VIM: variants seen among roughly 807,000 people sequenced by gnomAD.
VIM encodes the protein epididymis secretory sperm binding protein.
Under a neutral mutation model 50.3 loss-of-function variants are expected in VIM, and 18 were observed. The ratio of observed to expected loss-of-function variants is 0.36; its 90% CI spans 0.25 to 0.53. VIM has a LOEUF of 0.53. Among genes scored for constraint, VIM ranks in the 20% least tolerant of loss-of-function variants. VIM has a pLI of 0.91. For synonymous variants in VIM, 245 were observed against 248.5 expected (o/e 0.99, Z 0.13); for missense variants, 551 against 614.7 (o/e 0.90, Z 1.10).
At position 17,233,855 on chromosome 10, in the gene VIM, T is replaced by C. The variant is rs781127817; in HGVS notation, c.806T>C (p.Leu269Pro). Residue 269 changes from leucine (L) to proline (P), a missense_variant, in exon 5 of 10, where the codon CTG (leucine) becomes CCG (proline). Physicochemically the swap from Leu to Pro is moderately conservative, Grantham distance 98. Around this residue, in one of 3 missense-constraint regions of VIM, gnomAD observed 394 missense variants for 437.5 expected, o/e 0.90. Transcript: ENST00000544301. ...DVSKPDLTAA[L>P]RDVRQQYESV... ...TCCAAGCCTGACCTCACGGCTGCCC[T>C]GCGTGACGTACGTCAGCAATATGAA... 6.2e-7 allele frequency: 1 copy of C among 1,614,196 alleles called. No individual in the cohort carries two copies.
chr10:17,232,177 A>G (rs1299026028), intron 3 of VIM, among the ~76,000 whole-genome samples: 1 of 152,218 alleles, frequency 6.6e-6, no homozygotes, highest in Non-Finnish European at 1.5e-5. Flanking sequence ...AATATCTTTT[A>G]TGTATTTTTC....
At position 17,228,366 on chromosome 10, in the gene VIM, C is replaced by T. The variant is rs763122823; in HGVS notation, c.-306C>T. On this transcript the variant is annotated 5_prime_UTR_variant, in exon 1 of 10. Coordinates refer to ENST00000544301, the MANE Select transcript of VIM (RefSeq NM_003380.5). ...AACTTAGGGGCGCTCTTGTCCCCCACAGGGCCCGACCGCACACAGCAAGGC... is the reference window on the plus strand; with the variant it reads ...AACTTAGGGGCGCTCTTGTCCCCCATAGGGCCCGACCGCACACAGCAAGGC... The T allele has an allele frequency of 7.2e-5, 11 of 152,238 alleles. No individual in the cohort carries two copies. The highest frequency in any genetic ancestry group is 1.6e-4 in the Non-Finnish European group (11 of 68,060). The allele number at this position is 152,238 out of a possible 1,614,324, so 9.4% of individuals were successfully genotyped here. A position where few individuals can be genotyped will look rare whatever the true frequency, so the allele number is the denominator to read the frequency against.
rs1363353369 is a variant in VIM, at chr10:17,228,473, C to T, written c.-199C>T. The stretch of plus-strand genomic sequence containing the variant: ...TGAGACTTGAATCAATCTGGTCTAA[C>T]GGTTTCCCCTAAACCGCTAGGAGCC... On this transcript the variant is annotated 5_prime_UTR_variant, in exon 1 of 10. It adds an upstream start codon to the 5' untranslated region. Transcript: ENST00000544301. 1.3e-5 allele frequency: 2 copies of T among 152,278 alleles called. No homozygotes were observed. Among genetic ancestry groups the T allele is most frequent in the Non-Finnish European group, 2.9e-5 (2 of 68,098 alleles). 9.4% of individuals were successfully genotyped at this position (152,278 alleles called of 1,614,324 possible). A position where few individuals can be genotyped will look rare whatever the true frequency, so the allele number is the denominator to read the frequency against.
intron 6 of VIM, 123 bp from the exon 7 acceptor site, chr10:17,235,046 C>T (rs1356364309): frequency 4.0e-6 from 5 of 1,254,746 alleles, no homozygotes; most frequent in Non-Finnish European, 5.7e-6. Context: ...CATTCTCCAC[C>T]TAAAATTAGA....
intron 1 of VIM, 50 bp from the exon 2 acceptor site, chr10:17,229,226 A>G (rs999096986): frequency 2.5e-4 from 84 of 329,538 alleles, no homozygotes; most frequent in African/African-American, 2.4e-3. Context: ...GTGGGAGGGG[A>G]CCCTCTTTCC....
At chr10:17,230,488 G>A in intron 2 of VIM, 162 bp from the exon 3 acceptor site, 1 of 861,388 alleles carries the variant, frequency 1.2e-6, no homozygotes, top group Non-Finnish European at 2.0e-6. Flanking sequence ...AAGTCCCGCT[G>A]AAACCTGCCG....
At chr10:17,236,898 A>ATGT (rs1188427381) in intron 9 of VIM, among the ~76,000 whole-genome samples, 4 of 152,206 alleles carry the variant, frequency 2.6e-5, no homozygotes, top group Admixed American at 2.6e-4. Context: ...TAAATTTAAA[A>ATGT]TGTACCTGCT....
In VIM at chr10:17,229,654, C is replaced by T. The variant is rs865981174; in HGVS notation, c.232C>T (p.Arg78Trp). The T allele has an allele frequency of 3.2e-6, 5 of 1,563,602 alleles. 1 individual carries two copies. Among genetic ancestry groups the T allele is most frequent in the Middle Eastern group, 3.4e-4 (2 of 5,844 alleles). The change falls in exon 2 of 10, where the codon CGG (arginine) becomes TGG (tryptophan). Residue 78 changes from arginine to tryptophan, a missense_variant. Arg to Trp is a moderately radical substitution (Grantham distance 101). This residue lies in a region of VIM where 134 missense variants were observed against 126.4 expected (regional missense o/e 1.06). Transcript: ENST00000544301. ...VRLRSSVPGV[R>W]LLQDSVDFSL... The stretch of plus-strand genomic sequence containing the variant: ...CCTGCGGAGCAGCGTGCCCGGGGTG[C>T]GGCTCCTGCAGGACTCGGTGGACTT...
rs1846873699 is a variant in VIM at position 17,235,598 on chromosome 10, C to A, written c.1229+209C>A. ...TCAACAGCAGAGCTGGGATTTGAAC[C>A]CATAACTCTGTCAAAGCCTCCACTC... On this transcript the variant is annotated intron_variant, in intron 7 of 9. Transcript: ENST00000544301. 4.2e-6 allele frequency: 3 copies of A among 708,696 alleles called. No homozygotes were observed. In the South Asian group the frequency reaches 5.4e-5, roughly 13 times the overall value. 43.9% of individuals were successfully genotyped at this position (708,696 alleles called of 1,614,324 possible).
chr10:17,237,303 A>G lies in VIM; in HGVS notation c.*32A>G. On this transcript the variant is annotated 3_prime_UTR_variant, in exon 10 of 10. Transcript: ENST00000544301. The stretch of plus-strand genomic sequence containing the variant: ...CACACACTCAGTGCAGCAATATATT[A>G]CCAGCAAGAATAAAAAAGAAATCCA... 6.3e-7 allele frequency: 1 copy of G among 1,593,600 alleles called. No homozygotes were observed. The highest frequency in any genetic ancestry group is 8.6e-7 in the Non-Finnish European group (1 of 1,167,276).
intron 9 of VIM, 117 bp downstream of exon 9, chr10:17,236,496 C>G: frequency 1.2e-6 from 1 of 859,890 alleles, no homozygotes. Flanking sequence ...AGGTTTCATT[C>G]ATGCCTACTA....
chr10:17,235,035 G>T, intron 6 of VIM, 134 bp from the exon 7 acceptor site: 1 of 1,190,828 alleles, frequency 8.4e-7, no homozygotes, highest in Non-Finnish European at 1.2e-6. Flanking sequence ...CTTGGTACTC[G>T]CATTCTCCAC....
chr10:17,236,815 C>T (rs1010982042), intron 9 of VIM, among the ~76,000 whole-genome samples: 1 of 152,186 alleles, frequency 6.6e-6, no homozygotes, highest in African/African-American at 2.4e-5. Flanking sequence ...CATTTAGTTT[C>T]TTATTACCTC....
intron 5 of VIM, 86 bp downstream of exon 5, chr10:17,234,017 T>A: frequency 2.0e-6 from 3 of 1,535,092 alleles, no homozygotes; most frequent in Non-Finnish European, 1.8e-6. Context: ...CTAAATATCC[T>A]CTAGCTCCAA....
chr10:17,235,110 C>G, intron 6 of VIM, 59 bp from the exon 7 acceptor site: 1 of 1,587,978 alleles, frequency 6.3e-7, no homozygotes, highest in Non-Finnish European at 8.6e-7. Flanking sequence ...GTAAATGGTT[C>G]TGGGAACAGC....
intron 3 of VIM, among the ~76,000 whole-genome samples, chr10:17,232,298 G>A (rs7914640): frequency 0.1 from 15,913 of 152,218 alleles, 1,110 homozygotes; most frequent in Non-Finnish European, 0.15. Flanking sequence ...GTTTAAGACC[G>A]TAAGGCTATG....
In VIM at chr10:17,235,413, G is replaced by A. The variant is rs772018234; in HGVS notation, c.1229+24G>A. 2.0e-5 allele frequency: 33 copies of A among 1,610,980 alleles called. No individual in the cohort carries two copies. The Middle Eastern group carries it at 2.4e-3, about 117-fold the overall frequency. On this transcript the variant is annotated intron_variant, in intron 7 of 9. Coordinates refer to ENST00000544301, the MANE Select transcript of VIM (RefSeq NM_003380.5). ...AGGTAGGGAACTCAGACTTGGATGC[G>A]TGAACTAATGGTGACCATTTGTTAG...
chr10:17,236,416 G>T (rs1276121521), intron 9 of VIM, 37 bp downstream of exon 9: 5 of 1,464,168 alleles, frequency 3.4e-6, no homozygotes, highest in Non-Finnish European at 4.8e-6. Flanking sequence ...GGTAATCTCA[G>T]ACAGGAGTTG....
intron 7 of VIM, 145 bp from the exon 8 acceptor site, chr10:17,235,701 G>C (rs1343772652): frequency 1.2e-6 from 1 of 854,060 alleles, no homozygotes; most frequent in South Asian, 1.5e-5. Context: ...CCAGTCATGG[G>C]AAAATGTTTC....
Sources: gnomAD v4.1 joint callset for allele counts (sites outside exome capture counted in the v4.1 genomes callset) on GRCh38, gnomAD v4.1.1 for gene constraint, gnomAD v4.1.1 regional missense constraint, MANE v1.5 for transcripts, NCBI Gene and HGNC (gene_info 2026-07-23, HGNC 2026-07-21) for gene names.